COL23A1: variants seen among roughly 807,000 people sequenced by gnomAD.
COL23A1 encodes the protein collagen type XXIII alpha 1 chain.
In COL23A1, 97 loss-of-function variants were observed where a neutral mutation model predicts 99.3. The ratio of observed to expected loss-of-function variants is 0.98; its 90% CI spans 0.83 to 1.16. The LOEUF is 1.16. Ranked by LOEUF, COL23A1 falls within the 50% of genes most tolerant of loss-of-function variation. COL23A1 has a pLI of 0.00. For synonymous variants in COL23A1, 320 were observed against 308.2 expected (o/e 1.04, Z -0.40); for missense variants, 762 against 757.4 (o/e 1.01, Z -0.07).
intron 2 of COL23A1, among the ~76,000 whole-genome samples, chr5:178,460,313 C>T (rs1756045870): frequency 6.6e-6 from 1 of 152,008 alleles, no homozygotes; most frequent in Non-Finnish European, 1.5e-5. Flanking sequence ...GGGAAAATAA[C>T]CACAAAGAAA....
intron 2 of COL23A1, among the ~76,000 whole-genome samples, chr5:178,322,347 C>G (rs927367991): frequency 1.3e-5 from 2 of 152,176 alleles, no homozygotes; most frequent in Admixed American, 1.3e-4. Context: ...GTTGGTCAGG[C>G]TGGTCTTGAA....
intron 2 of COL23A1, among the ~76,000 whole-genome samples, chr5:178,338,027 C>T (rs914415424): frequency 2.6e-5 from 4 of 152,152 alleles, no homozygotes; most frequent in African/African-American, 4.8e-5. Flanking sequence ...CTGTTATCTC[C>T]ATGTTAGAGC....
At chr5:178,360,660 T>C (rs1762128117) in intron 2 of COL23A1, among the ~76,000 whole-genome samples, 1 of 152,254 alleles carries the variant, frequency 6.6e-6, no homozygotes, top group Admixed American at 6.5e-5. Flanking sequence ...ATTTGGGTCA[T>C]GAAACATAAT....
intron 2 of COL23A1, among the ~76,000 whole-genome samples, chr5:178,425,963 G>C (rs1055834802): frequency 2.0e-5 from 3 of 152,154 alleles, no homozygotes; most frequent in African/African-American, 7.2e-5. Flanking sequence ...ACCCAGAAAA[G>C]GTGCCACGGT....
At chr5:178,503,846 A>C (rs1341410637) in intron 2 of COL23A1, among the ~76,000 whole-genome samples, 1 of 152,098 alleles carries the variant, frequency 6.6e-6, no homozygotes. Context: ...ATACAAATTA[A>C]AACTCCAGGT....
chr5:178,372,248 G>A (rs1032185202), intron 2 of COL23A1, among the ~76,000 whole-genome samples: 1 of 152,238 alleles, frequency 6.6e-6, no homozygotes, highest in Non-Finnish European at 1.5e-5. Flanking sequence ...GCCCAGGAGA[G>A]TGGTGCTGGG....
intron 2 of COL23A1, among the ~76,000 whole-genome samples, chr5:178,491,933 C>A (rs995542368): frequency 5.3e-5 from 8 of 152,092 alleles, no homozygotes; most frequent in Non-Finnish European, 1.0e-4. Flanking sequence ...CGGGGTTTCA[C>A]CATGTTGGCC....
chr5:178,523,203 G>T (rs13353875), intron 2 of COL23A1, among the ~76,000 whole-genome samples: 2,765 of 56,626 alleles, frequency 0.049, 38 homozygotes, highest in South Asian at 0.074. Flanking sequence ...TATATATATA[G>T]AGAGAGAGAG....
chr5:178,536,321 G>A (rs950343160), intron 2 of COL23A1, among the ~76,000 whole-genome samples: 1 of 152,250 alleles, frequency 6.6e-6, no homozygotes, highest in Non-Finnish European at 1.5e-5. Flanking sequence ...GGATGGACCG[G>A]CGTGGAAAGC....
intron 2 of COL23A1, among the ~76,000 whole-genome samples, chr5:178,498,180 C>T (rs1758291944): frequency 8.3e-6 from 1 of 120,178 alleles, no homozygotes; most frequent in Non-Finnish European, 1.7e-5. Context: ...AGCCTGGCAA[C>T]ATGGCGAGAC....
At chr5:178,457,558 G>C (rs1315759804) in intron 2 of COL23A1, among the ~76,000 whole-genome samples, 1 of 152,078 alleles carries the variant, frequency 6.6e-6, no homozygotes, top group Non-Finnish European at 1.5e-5. Flanking sequence ...TAATCTTAAT[G>C]TTCAAAAGTA....
At chr5:178,529,110 G>A (rs1448493350) in intron 2 of COL23A1, among the ~76,000 whole-genome samples, 1 of 152,258 alleles carries the variant, frequency 6.6e-6, no homozygotes, top group African/African-American at 2.4e-5. Flanking sequence ...TATCTAAGAT[G>A]TCTGGAATGT....
chr5:178,273,059 C>T (rs552744449), intron 5 of COL23A1, among the ~76,000 whole-genome samples: 14 of 152,320 alleles, frequency 9.2e-5, no homozygotes, highest in Admixed American at 3.9e-4. Flanking sequence ...GCCCGTGCCG[C>T]GGTGCTGTCT....
chr5:178,288,591 T>A (rs1757286099), intron 4 of COL23A1: 3 of 610,846 alleles, frequency 4.9e-6, no homozygotes, highest in Non-Finnish European at 9.0e-6. Context: ...CCGGGCACAG[T>A]CACATGTGTG....
intron 2 of COL23A1, among the ~76,000 whole-genome samples, chr5:178,417,001 A>T (rs935189059): frequency 1.3e-5 from 2 of 152,122 alleles, no homozygotes; most frequent in Non-Finnish European, 2.9e-5. Flanking sequence ...GGAGACCTGG[A>T]GCTTCCTGAG....
intron 2 of COL23A1, among the ~76,000 whole-genome samples, chr5:178,311,482 C>CTGTG (rs1758665298): frequency 1.7e-5 from 1 of 58,924 alleles, no homozygotes; most frequent in African/African-American, 8.0e-5. Context: ...GGGTTCTTTC[C>CTGTG]TCTGTGTGTG....
At chr5:178,379,563 T>C (rs1238114017) in intron 2 of COL23A1, among the ~76,000 whole-genome samples, 2 of 152,122 alleles carry the variant, frequency 1.3e-5, no homozygotes, top group East Asian at 3.8e-4. Flanking sequence ...CCCCTGTAAT[T>C]AATAGAGAAA....
At chr5:178,348,203 T>A (rs1249770932) in intron 2 of COL23A1, among the ~76,000 whole-genome samples, 1 of 152,106 alleles carries the variant, frequency 6.6e-6, no homozygotes, top group East Asian at 1.9e-4. Flanking sequence ...GCCCAGGGCT[T>A]GGGCGGGCTC....
chr5:178,347,371 C>T (rs574522095), intron 2 of COL23A1, among the ~76,000 whole-genome samples: 1 of 151,788 alleles, frequency 6.6e-6, no homozygotes. Flanking sequence ...ACAGGCGAAT[C>T]CAGAGAGACT....
Sources: gnomAD v4.1 joint callset for allele counts (sites outside exome capture counted in the v4.1 genomes callset) on GRCh38, gnomAD v4.1.1 for gene constraint, MANE v1.5 for transcripts, NCBI Gene and HGNC (gene_info 2026-07-23, HGNC 2026-07-21) for gene names.